PARD3B: variants seen among roughly 807,000 people sequenced by gnomAD.
PARD3B encodes par-3 family cell polarity regulator beta.
Under a neutral mutation model 130.2 loss-of-function variants are expected in PARD3B, and 103 were observed. The observed-to-expected ratio is 0.79, with a 90% CI of 0.67 to 0.93. PARD3B has a LOEUF of 0.93. Ranked by LOEUF, PARD3B falls within the 40% of genes least tolerant of loss-of-function variation. PARD3B has a pLI of 0.00. For synonymous variants in PARD3B, 583 were observed against 553.2 expected (o/e 1.05, Z -0.76); for missense variants, 1,609 against 1,499.2 (o/e 1.07, Z -1.21).
chr2:204,698,829 A>G (rs1255974857), intron 2 of PARD3B, among the ~76,000 whole-genome samples: 1 of 152,066 alleles, frequency 6.6e-6, no homozygotes, highest in African/African-American at 2.4e-5. Flanking sequence ...TTATTTTAAG[A>G]ACTTGGAAGA....
intron 15 of PARD3B, among the ~76,000 whole-genome samples, chr2:205,217,848 G>A (rs1374555150): frequency 1.6e-5 from 1 of 63,218 alleles, no homozygotes; most frequent in African/African-American, 8.8e-5. Context: ...GTGTATATGT[G>A]TGTGTGTGTG....
rs531261602 is a variant in PARD3B, at chr2:204,571,983, C to T, written c.120+25864C>T. Among the ~76,000 whole-genome samples the T allele has an allele frequency of 4.6e-5, 7 of 152,150 alleles. No individual in the cohort carries two copies. The East Asian group carries it at 9.7e-4, about 21-fold the overall frequency. On this transcript the variant is annotated intron_variant, in intron 1 of 22. Coordinates refer to ENST00000406610, the MANE Select transcript of PARD3B (RefSeq NM_001302769.2). ...AAAATGGTAGGAGTGGATTCATAAC[C>T]GTGTAACTTTTTTTCTCTATACTGA...
chr2:205,597,935 G>A (rs2054629555), intron 22 of PARD3B, among the ~76,000 whole-genome samples: 1 of 152,004 alleles, frequency 6.6e-6, no homozygotes, highest in Non-Finnish European at 1.5e-5. Context: ...AAATGCAAAG[G>A]GACCACTAGA....
chr2:205,254,377 T>C (rs1271754046), intron 16 of PARD3B, among the ~76,000 whole-genome samples: 3 of 152,088 alleles, frequency 2.0e-5, no homozygotes. Flanking sequence ...TGTTGAATAA[T>C]GTATGTCAAG....
chr2:204,895,877 C>A (rs2046624549), intron 2 of PARD3B, among the ~76,000 whole-genome samples: 1 of 152,008 alleles, frequency 6.6e-6, no homozygotes, highest in Admixed American at 6.6e-5. Context: ...GGGGGTCTAC[C>A]TGAAAGCAGT....
chr2:205,445,721 G>GT (rs2047884219), intron 20 of PARD3B, among the ~76,000 whole-genome samples: 1 of 152,172 alleles, frequency 6.6e-6, no homozygotes, highest in South Asian at 2.1e-4. Context: ...ACCTGGATAA[G>GT]TAAAGAAGCA....
intron 15 of PARD3B, among the ~76,000 whole-genome samples, chr2:205,231,241 CTT>C (rs909417110): frequency 4.6e-5 from 7 of 151,912 alleles, no homozygotes; most frequent in Admixed American, 3.9e-4. Flanking sequence ...CGTTTTAAGA[CTT>C]AAGTGGTCTT....
intron 21 of PARD3B, among the ~76,000 whole-genome samples, chr2:205,542,950 C>T (rs1204859392): frequency 1.3e-5 from 2 of 152,160 alleles, no homozygotes; most frequent in Non-Finnish European, 2.9e-5. Flanking sequence ...GAGGGTAAAG[C>T]TCCCTTTAAA....
intron 21 of PARD3B, among the ~76,000 whole-genome samples, chr2:205,541,183 G>A (rs772984910): frequency 3.2e-4 from 49 of 152,018 alleles, no homozygotes; most frequent in Non-Finnish European, 5.7e-4. Flanking sequence ...TTACCTGTAC[G>A]CTAAGATTTA....
At chr2:205,060,525 T>A (rs974778485) in intron 4 of PARD3B, among the ~76,000 whole-genome samples, 1 of 152,150 alleles carries the variant, frequency 6.6e-6, no homozygotes, top group African/African-American at 2.4e-5. Flanking sequence ...ATTGACTCTT[T>A]GTCAGGTTAA....
intron 1 of PARD3B, among the ~76,000 whole-genome samples, chr2:204,557,780 C>T (rs1289034657): frequency 6.6e-6 from 1 of 152,208 alleles, no homozygotes; most frequent in African/African-American, 2.4e-5. Flanking sequence ...ATCTGCCACA[C>T]TGATTGTCTT....
chr2:205,278,736 C>G (rs2041053049), intron 16 of PARD3B, among the ~76,000 whole-genome samples: 1 of 152,020 alleles, frequency 6.6e-6, no homozygotes, highest in Non-Finnish European at 1.5e-5. Context: ...CAATTTAATT[C>G]TAATTCAGAA....
chr2:205,270,582 A>T, intron 16 of PARD3B, among the ~76,000 whole-genome samples: 1 of 150,608 alleles, frequency 6.6e-6, no homozygotes, highest in Admixed American at 6.6e-5. Flanking sequence ...AAAAACAAAA[A>T]GAAAGAAAGA....
At chr2:205,551,122 T>G (rs1186457360) in intron 21 of PARD3B, among the ~76,000 whole-genome samples, 1 of 151,378 alleles carries the variant, frequency 6.6e-6, no homozygotes, top group Admixed American at 6.6e-5. Context: ...CTGAAACTAT[T>G]AACTTGGAAT....
intron 21 of PARD3B, among the ~76,000 whole-genome samples, chr2:205,541,031 A>ATATT (rs2052101787): frequency 1.3e-5 from 2 of 152,224 alleles, no homozygotes; most frequent in South Asian, 4.1e-4. Flanking sequence ...TAAAATAATC[A>ATATT]TATTTTAAAG....
At chr2:205,395,364 T>C (rs2045990560) in intron 18 of PARD3B, among the ~76,000 whole-genome samples, 1 of 152,208 alleles carries the variant, frequency 6.6e-6, no homozygotes, top group African/African-American at 2.4e-5. Flanking sequence ...CTCAGCAGCA[T>C]TCCCATCTGT....
intron 18 of PARD3B, among the ~76,000 whole-genome samples, chr2:205,322,121 T>A (rs1405901813): frequency 1.3e-5 from 2 of 152,244 alleles, no homozygotes; most frequent in Non-Finnish European, 1.5e-5. Context: ...ATACCAGTCT[T>A]TGATCACCTT....
At chr2:205,447,169 T>C (rs947526336) in intron 20 of PARD3B, among the ~76,000 whole-genome samples, 5 of 152,180 alleles carry the variant, frequency 3.3e-5, no homozygotes, top group Non-Finnish European at 7.3e-5. Flanking sequence ...AATGAGACTT[T>C]AACAAATTGT....
chr2:204,776,605 C>A (rs189662704), intron 2 of PARD3B, among the ~76,000 whole-genome samples: 1 of 151,814 alleles, frequency 6.6e-6, no homozygotes, highest in African/African-American at 2.4e-5. Flanking sequence ...TTCCTTTTTT[C>A]CCCGAGACAT....
Sources: allele counts gnomAD v4.1 joint callset (sites outside exome capture counted in the v4.1 genomes callset), GRCh38; gene constraint gnomAD v4.1.1; transcripts MANE v1.5; gene names NCBI Gene and HGNC (gene_info 2026-07-23, HGNC 2026-07-21).